DNAJC1: variants seen among roughly 807,000 people sequenced by gnomAD.
DNAJC1 encodes the protein DnaJ heat shock protein family (Hsp40) member C1.
DNAJC1 carries 58 observed loss-of-function variants against 76.6 expected under a neutral mutation model. That is an observed-to-expected ratio of 0.76 (90% CI 0.61 to 0.94). The LOEUF is 0.94. DNAJC1 is among the 40% of genes least tolerant of loss of function. DNAJC1 has a pLI of 0.00. For synonymous variants in DNAJC1, 258 were observed against 267.9 expected (o/e 0.96, Z 0.36); for missense variants, 689 against 677.3 (o/e 1.02, Z -0.19).
intron 8 of DNAJC1, among the ~76,000 whole-genome samples, chr10:21,851,990 T>C (rs1421408584): frequency 6.6e-6 from 1 of 151,488 alleles, no homozygotes; most frequent in Non-Finnish European, 1.5e-5. Flanking sequence ...GAGGCGGAGC[T>C]TGCAGTGAGC....
intron 1 of DNAJC1, among the ~76,000 whole-genome samples, chr10:21,991,940 T>A (rs1371287453): frequency 1.3e-5 from 2 of 152,210 alleles, no homozygotes; most frequent in African/African-American, 4.8e-5. Context: ...CAAATTAAGG[T>A]GTGCTAGAAG....
intron 3 of DNAJC1, among the ~76,000 whole-genome samples, chr10:21,927,364 G>A (rs1837145349): frequency 6.6e-6 from 1 of 152,190 alleles, no homozygotes; most frequent in Non-Finnish European, 1.5e-5. Flanking sequence ...TACATTTGAG[G>A]AAAGATTCAG....
intron 1 of DNAJC1, among the ~76,000 whole-genome samples, chr10:21,986,932 A>G (rs1290440077): frequency 6.6e-6 from 1 of 151,788 alleles, no homozygotes; most frequent in African/African-American, 2.4e-5. Context: ...CACACCCAAC[A>G]ATTTTTTGTA....
chr10:21,941,191 C>T (rs1837404335), intron 1 of DNAJC1, among the ~76,000 whole-genome samples: 1 of 148,110 alleles, frequency 6.8e-6, no homozygotes, highest in African/African-American at 2.5e-5. Flanking sequence ...ATGGCGGGAA[C>T]CCGGTAGGCA....
chr10:21,881,422 C>G (rs758065122), intron 8 of DNAJC1, among the ~76,000 whole-genome samples: 10 of 152,146 alleles, frequency 6.6e-5, no homozygotes, highest in Non-Finnish European at 1.5e-4. Flanking sequence ...TAAGCTTAAT[C>G]ATTTTTATGT....
chr10:21,926,519 A>G (rs1837132129), intron 3 of DNAJC1, among the ~76,000 whole-genome samples: 1 of 152,180 alleles, frequency 6.6e-6, no homozygotes, highest in African/African-American at 2.4e-5. Flanking sequence ...TTTCATATCA[A>G]TATGTAGATA....
At chr10:21,982,740 C>A (rs10764328) in intron 1 of DNAJC1, among the ~76,000 whole-genome samples, 116,284 of 151,334 alleles carry the variant, frequency 0.77, 45,707 homozygotes, top group East Asian at 0.97. Flanking sequence ...AAAGTAAAAA[C>A]TAAGTACTGA....
intron 9 of DNAJC1, among the ~76,000 whole-genome samples, chr10:21,786,675 C>A (rs1052863028): frequency 6.6e-6 from 1 of 151,886 alleles, no homozygotes; most frequent in African/African-American, 2.4e-5. Flanking sequence ...AGAGTTTCAC[C>A]ATTTGGCCAG....
At chr10:21,981,662 G>C (rs1838161503) in intron 1 of DNAJC1, among the ~76,000 whole-genome samples, 1 of 152,150 alleles carries the variant, frequency 6.6e-6, no homozygotes, top group African/African-American at 2.4e-5. Context: ...GATTACATGA[G>C]ATAATATGTG....
intron 1 of DNAJC1, among the ~76,000 whole-genome samples, chr10:21,978,027 T>C (rs957759902): frequency 2.0e-5 from 3 of 152,140 alleles, no homozygotes; most frequent in Non-Finnish European, 4.4e-5. Context: ...GTTTTTTATA[T>C]AGGAGCATTT....
intron 1 of DNAJC1, among the ~76,000 whole-genome samples, chr10:21,985,965 C>T (rs913830129): frequency 5.3e-5 from 8 of 151,952 alleles, no homozygotes; most frequent in African/African-American, 1.5e-4. Flanking sequence ...CGGTGGCTCA[C>T]GCCTGTAATC....
chr10:21,829,221 GTTTT>G (rs767778422), intron 8 of DNAJC1, among the ~76,000 whole-genome samples: 4 of 141,898 alleles, frequency 2.8e-5, no homozygotes. Context: ...GTTCGTTTTT[GTTTT>G]TTTTTTTGAG....
intron 1 of DNAJC1, among the ~76,000 whole-genome samples, chr10:21,968,062 T>A (rs963308640): frequency 6.6e-6 from 1 of 152,250 alleles, no homozygotes; most frequent in African/African-American, 2.4e-5. Flanking sequence ...GATATTTGAA[T>A]AGTTTTATAT....
rs1042460548 is a variant in DNAJC1, at chr10:21,808,009, C to T, written c.979-1910G>A. 3.9e-5 allele frequency among the ~76,000 whole-genome samples: 6 copies of T among 152,138 alleles called. No individual in the cohort carries two copies. The South Asian group carries it at 1.0e-3, about 26-fold the overall frequency. On this transcript the variant is annotated intron_variant, in intron 8 of 11. Coordinates refer to ENST00000376980, the MANE Select transcript of DNAJC1 (RefSeq NM_022365.4). ...AAAAAGCTTTAATAAGTAGACCAATCGGTTTCAGAAATGCAAAAGACTTAA... is the reference window on the plus strand; with the variant it reads ...AAAAAGCTTTAATAAGTAGACCAATTGGTTTCAGAAATGCAAAAGACTTAA...
At chr10:21,806,641 T>C (rs759629512) in intron 8 of DNAJC1, among the ~76,000 whole-genome samples, 1 of 152,138 alleles carries the variant, frequency 6.6e-6, no homozygotes, top group Non-Finnish European at 1.5e-5. Context: ...GATCATTCTA[T>C]GTAACGATAT....
intron 1 of DNAJC1, among the ~76,000 whole-genome samples, chr10:21,937,337 A>G (rs777964220): frequency 6.6e-6 from 1 of 152,154 alleles, no homozygotes; most frequent in African/African-American, 2.4e-5. Flanking sequence ...TATTAGGTAA[A>G]ATCAATTTTA....
At chr10:21,813,243 T>TATATATAC (rs1326133473) in intron 8 of DNAJC1, among the ~76,000 whole-genome samples, 4 of 130,918 alleles carry the variant, frequency 3.1e-5, no homozygotes, top group Admixed American at 1.6e-4. Flanking sequence ...TATATATATA[T>TATATATAC]ACACATACAG....
chr10:21,844,575 A>C (rs1360129413), intron 8 of DNAJC1, among the ~76,000 whole-genome samples: 1 of 152,066 alleles, frequency 6.6e-6, no homozygotes, highest in African/African-American at 2.4e-5. Flanking sequence ...CTATTATTCA[A>C]CTTTGCATTT....
intron 6 of DNAJC1, among the ~76,000 whole-genome samples, chr10:21,907,921 T>C (rs1365699677): frequency 6.9e-6 from 1 of 145,828 alleles, no homozygotes; most frequent in African/African-American, 2.6e-5. Context: ...GAGGTTGCAG[T>C]GAGCCAAGAT....
Sources: allele counts gnomAD v4.1 joint callset (sites outside exome capture counted in the v4.1 genomes callset), GRCh38; gene constraint gnomAD v4.1.1; transcripts MANE v1.5; gene names NCBI Gene and HGNC (gene_info 2026-07-23, HGNC 2026-07-21).